Variants in FRYL observed in about 807,000 individuals in gnomAD.
The protein encoded by FRYL is protein furry homolog-like.
In FRYL, 150 loss-of-function variants were observed where a neutral mutation model predicts 351.2. The ratio of observed to expected loss-of-function variants is 0.43; its 90% CI spans 0.37 to 0.49. The LOEUF is 0.49. FRYL is among the 20% of genes least tolerant of loss of function. The probability of loss-of-function intolerance (pLI) is 0.00; values close to 1 mark genes in which losing one functional copy is unlikely to be tolerated. For missense variants in FRYL, 3,036 were observed against 3,619.3 expected (o/e 0.84, Z 4.13); for synonymous variants, 1,153 against 1,257.1 (o/e 0.92, Z 1.75).
rs138203610 is a variant in FRYL at position 48,748,775 on chromosome 4, A to G, written c.-384+31303T>C. On this transcript the variant is annotated intron_variant, in intron 1 of 63. Transcript: ENST00000358350. ...CTAACAGCAGGAGACAATAAACAAG[A>G]TATTATAGTAAGTAGATTGCGAAGC... 1.0e-3 allele frequency among the ~76,000 whole-genome samples: 159 copies of G among 152,354 alleles called. 1 individual carries two copies. The highest frequency in any genetic ancestry group is 3.7e-3 in the African/African-American group (154 of 41,582).
intron 47 of FRYL, 86 bp downstream of exon 47, chr4:48,539,885 G>A: frequency 1.1e-6 from 1 of 916,344 alleles, no homozygotes; most frequent in Non-Finnish European, 1.7e-6. Flanking sequence ...ACAATAAAAG[G>A]AGTTTTAAGA....
intron 35 of FRYL, 100 bp from the exon 36 acceptor site, chr4:48,553,483 G>A (rs1458273550): frequency 8.0e-6 from 6 of 746,856 alleles, no homozygotes; most frequent in Non-Finnish European, 9.0e-6. Context: ...ACTTTAAGTG[G>A]TAGATGAATA....
At chr4:48,538,607 C>T (rs1729402330) in intron 47 of FRYL, among the ~76,000 whole-genome samples, 1 of 152,012 alleles carries the variant, frequency 6.6e-6, no homozygotes, top group African/African-American at 2.4e-5. Context: ...TGCTCTTTCC[C>T]CTTGCTGTGC....
chr4:48,677,654 G>A (rs1265518587), intron 3 of FRYL, among the ~76,000 whole-genome samples: 1 of 152,048 alleles, frequency 6.6e-6, no homozygotes, highest in Non-Finnish European at 1.5e-5. Flanking sequence ...CAGGTGATCC[G>A]CCTGCCTTGG....
chr4:48,558,050 C>G (rs1734532154), intron 33 of FRYL, among the ~76,000 whole-genome samples: 1 of 152,052 alleles, frequency 6.6e-6, no homozygotes, highest in Non-Finnish European at 1.5e-5. Context: ...ATCCAGCAAC[C>G]CCACTTCTGA....
intron 3 of FRYL, among the ~76,000 whole-genome samples, chr4:48,661,083 T>C (rs1760611203): frequency 6.6e-6 from 1 of 152,182 alleles, no homozygotes; most frequent in East Asian, 1.9e-4. Context: ...CTGTAAACAG[T>C]GTACAACAAT....
Position 48,497,623 on chromosome 4 carries a change from CAG to C in FRYL, c.*1797_*1798del, listed in dbSNP as rs538121956. ...AAGGATGTAAGGAGGGTAAGAAAAA[CAG>C]AGGACAGTAAGATAGGATGTAAAGT... On this transcript the variant is annotated 3_prime_UTR_variant, in exon 64 of 64. Coordinates refer to ENST00000358350, the MANE Select transcript of FRYL (RefSeq NM_015030.2). The C allele has an allele frequency of 1.8e-4, 28 of 152,652 alleles. No homozygotes were observed. Among genetic ancestry groups the C allele is most frequent in the African/African-American group, 6.3e-4 (26 of 41,542 alleles). 9.5% of individuals were successfully genotyped at this position (152,652 alleles called of 1,614,324 possible). A position where few individuals can be genotyped will look rare whatever the true frequency, so the allele number is the denominator to read the frequency against.
At chr4:48,557,824 T>A (rs1162278590) in intron 33 of FRYL, 112 bp from the exon 34 acceptor site, 6 of 1,176,264 alleles carry the variant, frequency 5.1e-6, no homozygotes, top group Non-Finnish European at 7.1e-6. Context: ...CTCATTACAC[T>A]TAACAATTAT....
chr4:48,631,409 A>G (rs1411561845), intron 4 of FRYL, among the ~76,000 whole-genome samples: 1 of 152,222 alleles, frequency 6.6e-6, no homozygotes, highest in Admixed American at 6.5e-5. Flanking sequence ...CTATTCTGAA[A>G]GAACTATCGG....
At position 48,595,642 on chromosome 4, in the gene FRYL, G is replaced by A; in HGVS notation, c.1196C>T (p.Pro399Leu). The A allele has an allele frequency of 6.2e-7, 1 of 1,613,302 alleles. No individual in the cohort carries two copies. The highest frequency in any genetic ancestry group is 8.5e-7 in the Non-Finnish European group (1 of 1,179,528). Residue 399 changes from proline to leucine, a missense_variant, in exon 15 of 64, where the codon CCT becomes CTT. Transcript: ENST00000358350. The stretch of plus-strand genomic sequence containing the variant: ...AAATATATTGAGAGGTGTGTCACGA[G>A]GAACCACACTTCGTGAGCCTTTTGG... ...LFPKGSRSVV[P>L]RDTPLNIFVK...
intron 1 of FRYL, among the ~76,000 whole-genome samples, chr4:48,772,679 C>CAAAAAAAAAAAA (rs33926702): frequency 1.2e-4 from 6 of 50,266 alleles, no homozygotes; most frequent in Non-Finnish European, 1.1e-4. Flanking sequence ...AGAGACCTAC[C>CAAAAAAAAAAAA]AAAAAAAAAA....
intron 7 of FRYL, among the ~76,000 whole-genome samples, chr4:48,616,006 T>G (rs528056111): frequency 6.6e-6 from 1 of 151,112 alleles, no homozygotes; most frequent in Non-Finnish European, 1.5e-5. Flanking sequence ...TAAACGGGAG[T>G]TGAACAATGA....
In FRYL at chr4:48,561,595, C is replaced by A; in HGVS notation, c.3738G>T (p.Glu1246Asp). The A allele has an allele frequency of 6.2e-7, 1 of 1,611,608 alleles. No homozygotes were observed. Residue 1246 changes from glutamate (E) to aspartate (D), a missense_variant, in exon 33 of 64, where the codon GAG (glutamate) becomes GAT (aspartate). This residue lies in a region of FRYL where 1,987 missense variants were observed against 2,311.7 expected (regional missense o/e 0.86). Transcript: ENST00000358350. ...PKMFRYAHKL[E>D]VQRTDGVLSQ... is the part of the protein sequence containing the mutation. ...TGAGTACTCCATCTGTTCTCTGAAC[C>A]TCCAATTTGTGAGCATAGCGAAACA...
At chr4:48,647,675 A>AC (rs1756800761) in intron 3 of FRYL, among the ~76,000 whole-genome samples, 6 of 152,190 alleles carry the variant, frequency 3.9e-5, no homozygotes, top group Middle Eastern at 3.4e-3. Flanking sequence ...AAACAAACAA[A>AC]AAAAAGATAC....
rs1331008524 is a variant in FRYL, at chr4:48,620,703, G to A, written c.250C>T (p.Arg84Cys). The change falls in exon 6 of 64, where the codon CGC becomes TGC. Residue 84 changes from arginine to cysteine, a missense_variant. Arg to Cys is a radical substitution (Grantham distance 180, BLOSUM62 -3). Around this residue, in one of 7 missense-constraint regions of FRYL, gnomAD observed 457 missense variants for 566.6 expected, o/e 0.81. Transcript: ENST00000358350. Reference sequence around the variant, plus strand: ...GATTCATCTTCCGTTCCATTTTGGCGTCTGTACCAGTCAAACAAGGTGCGA... The same window carrying A: ...GATTCATCTTCCGTTCCATTTTGGCATCTGTACCAGTCAAACAAGGTGCGA... ...LLRTLFDWYR[R>C]QNGTEDESYE... is the part of the protein sequence containing the mutation. 1.1e-5 allele frequency: 17 copies of A among 1,613,822 alleles called. No individual in the cohort carries two copies. The highest frequency in any genetic ancestry group is 3.3e-5 in the South Asian group (3 of 91,054).
At chr4:48,591,629 G>A (rs1371295902) in intron 16 of FRYL, among the ~76,000 whole-genome samples, 1 of 152,094 alleles carries the variant, frequency 6.6e-6, no homozygotes, top group Non-Finnish European at 1.5e-5. Flanking sequence ...CTGCATTTCA[G>A]GTTTGGCCTC....
In FRYL at chr4:48,632,930, C is replaced by T. The variant is rs76341205; in HGVS notation, c.120+1361G>A. Among the ~76,000 whole-genome samples the T allele has an allele frequency of 1.2e-4, 18 of 152,278 alleles. No homozygotes were observed. In the East Asian group the frequency reaches 2.9e-3, roughly 24 times the overall value. The stretch of plus-strand genomic sequence containing the variant: ...CATCCTTCTAAGGAACTATAACAGG[C>T]TGAGTAAGCACACAGGTTCTAAAGC... On this transcript the variant is annotated intron_variant, in intron 4 of 63. Coordinates refer to ENST00000358350, the MANE Select transcript of FRYL (RefSeq NM_015030.2).
intron 3 of FRYL, among the ~76,000 whole-genome samples, chr4:48,648,999 A>C (rs1441023798): frequency 6.6e-6 from 1 of 152,198 alleles, no homozygotes; most frequent in Admixed American, 6.5e-5. Flanking sequence ...ACTTTGAAAA[A>C]CAGCAATAAT....
intron 1 of FRYL, among the ~76,000 whole-genome samples, chr4:48,779,628 C>T (rs1349506461): frequency 3.9e-5 from 6 of 152,028 alleles, no homozygotes; most frequent in Admixed American, 2.6e-4. Flanking sequence ...CTTCCTCCAC[C>T]TCTGCCACCG....
Sources: gnomAD v4.1 joint callset for allele counts (sites outside exome capture counted in the v4.1 genomes callset) on GRCh38, gnomAD v4.1.1 for gene constraint, gnomAD v4.1.1 regional missense constraint, MANE v1.5 for transcripts, NCBI Gene and HGNC (gene_info 2026-07-23, HGNC 2026-07-21) for gene names.